The following USP22 variants were observed in gnomAD, a reference collection of about 807,000 sequenced individuals.
USP22 encodes ubiquitin specific peptidase 22.
USP22 carries 22 observed loss-of-function variants against 68.1 expected under a neutral mutation model. The ratio of observed to expected loss-of-function variants is 0.32; its 90% CI spans 0.23 to 0.46. The LOEUF is 0.46. Among genes scored for constraint, USP22 ranks in the 20% least tolerant of loss-of-function variants. The pLI is 1.00. For missense variants in USP22, 433 were observed against 695.8 expected (o/e 0.62, Z 4.25); for synonymous variants, 279 against 274.2 (o/e 1.02, Z -0.17).
chr17:21,030,987 T>G (rs1172036425), intron 1 of USP22, among the ~76,000 whole-genome samples: 1 of 152,212 alleles, frequency 6.6e-6, no homozygotes, highest in Non-Finnish European at 1.5e-5. Flanking sequence ...ATGTCTACAG[T>G]CAGCCCTCAG....
chr17:21,013,869 C>T (rs6587108), intron 6 of USP22, among the ~76,000 whole-genome samples: 151,235 of 152,344 alleles, frequency 0.99, 75,105 homozygotes, highest in Middle Eastern at 1. Context: ...GGTTAGGAGA[C>T]CGAGACCATC....
intron 1 of USP22, among the ~76,000 whole-genome samples, chr17:21,041,609 T>C (rs534244432): frequency 3.3e-5 from 5 of 151,738 alleles, no homozygotes; most frequent in South Asian, 2.1e-4. Context: ...AAAAAATAAT[T>C]TTTTTTTTGA....
chr17:21,016,808 G>A (rs753292113), intron 5 of USP22, among the ~76,000 whole-genome samples: 13 of 152,162 alleles, frequency 8.5e-5, no homozygotes, highest in Non-Finnish European at 1.8e-4. Flanking sequence ...GAGGGAGTTC[G>A]GAGAGGTAAC....
intron 6 of USP22, among the ~76,000 whole-genome samples, chr17:21,013,876 C>T (rs1203858970): frequency 6.6e-6 from 1 of 152,196 alleles, no homozygotes; most frequent in African/African-American, 2.4e-5. Flanking sequence ...AGACCGAGAC[C>T]ATCCTGGCTA....
chr17:21,037,339 T>A (rs62058989), intron 1 of USP22, among the ~76,000 whole-genome samples: 113,177 of 151,628 alleles, frequency 0.75, 42,689 homozygotes, highest in South Asian at 0.82. Flanking sequence ...TCCCTTCTAT[T>A]ATAAACAGTA....
intron 2 of USP22, among the ~76,000 whole-genome samples, chr17:21,023,331 A>C (rs1972180186): frequency 6.6e-6 from 1 of 152,180 alleles, no homozygotes; most frequent in Admixed American, 6.5e-5. Flanking sequence ...CGTTGAAACT[A>C]AAATAAAAGT....
intron 1 of USP22, among the ~76,000 whole-genome samples, chr17:21,029,371 C>A (rs866206302): frequency 9.2e-5 from 14 of 152,086 alleles, no homozygotes; most frequent in Non-Finnish European, 1.8e-4. Context: ...TAAAAGAATC[C>A]GTAAGTCCAG....
chr17:21,032,922 C>CAAAAAAAAAAA lies in USP22; in HGVS notation c.172-4259_172-4249dup, dbSNP rs753804890. 1.4e-3 allele frequency among the ~76,000 whole-genome samples: 124 copies of CAAAAAAAAAAA among 91,574 alleles called. 4 individuals are homozygous for CAAAAAAAAAAA. Among genetic ancestry groups the CAAAAAAAAAAA allele is most frequent in the African/African-American group, 6.0e-3 (104 of 17,368 alleles). The allele number at this position is 91,574 out of a possible 152,430, so 60.1% of individuals were successfully genotyped here. ...TGAGCAACAGAACCAGACCCTGTCT[C>CAAAAAAAAAAA]AAAAAAAAAAAAAAAAAAAAAAAAA... On this transcript the variant is annotated intron_variant, in intron 1 of 12. Coordinates refer to ENST00000261497, the MANE Select transcript of USP22 (RefSeq NM_015276.2).
intron 10 of USP22, among the ~76,000 whole-genome samples, chr17:21,005,674 G>A (rs958288738): frequency 5.3e-5 from 8 of 152,332 alleles, no homozygotes; most frequent in African/African-American, 1.9e-4. Context: ...GGGTGGGACA[G>A]CCATGAGAGG....
intron 5 of USP22, among the ~76,000 whole-genome samples, chr17:21,017,151 A>T (rs1400508339): frequency 6.6e-6 from 1 of 152,206 alleles, no homozygotes; most frequent in South Asian, 2.1e-4. Context: ...CAGGTTGGAT[A>T]GCCTCTGTCC....
chr17:21,041,753 G>A (rs1314063205), intron 1 of USP22, among the ~76,000 whole-genome samples: 3 of 152,256 alleles, frequency 2.0e-5, no homozygotes, highest in Non-Finnish European at 4.4e-5. Context: ...GCGTGAAACT[G>A]TAAAAATAAA....
chr17:21,021,028 T>TGCC, intron 3 of USP22, 85 bp downstream of exon 3: 1 of 1,093,712 alleles, frequency 9.1e-7, no homozygotes, highest in African/African-American at 1.5e-5. Flanking sequence ...CCCACCTAGG[T>TGCC]ACTTCTCTTT....
Position 21,042,843 on chromosome 17 carries a change from A to T in USP22, c.-8T>A, listed in dbSNP as rs893545919. On this transcript the variant is annotated 5_prime_UTR_variant, in exon 1 of 13. Coordinates refer to ENST00000261497, the MANE Select transcript of USP22 (RefSeq NM_015276.2). The stretch of plus-strand genomic sequence containing the variant: ...CTCTGGCCGGGACACCATGGGGGGC[A>T]AGGCCCGGCCGCGCGCGGGGGGCGG... 2.3e-6 allele frequency: 3 copies of T among 1,289,738 alleles called. No homozygotes were observed. The highest frequency in any genetic ancestry group is 2.0e-6 in the Non-Finnish European group (2 of 1,016,826). The allele number at this position is 1,289,738 out of a possible 1,614,324, so 79.9% of individuals were successfully genotyped here. A position where few individuals can be genotyped will look rare whatever the true frequency, so the allele number is the denominator to read the frequency against.
intron 1 of USP22, among the ~76,000 whole-genome samples, chr17:21,036,276 G>A (rs1038884920): frequency 5.3e-5 from 8 of 152,136 alleles, no homozygotes; most frequent in South Asian, 2.1e-4. Flanking sequence ...TGTAGTTGTG[G>A]ATGCCTCTGT....
At chr17:21,035,264 A>G (rs981112975) in intron 1 of USP22, among the ~76,000 whole-genome samples, 1 of 152,210 alleles carries the variant, frequency 6.6e-6, no homozygotes, top group Non-Finnish European at 1.5e-5. Context: ...ACATATAATA[A>G]TAAAACTCAC....
At chr17:21,012,498 G>A (rs1209679401) in intron 7 of USP22, among the ~76,000 whole-genome samples, 3 of 152,030 alleles carry the variant, frequency 2.0e-5, no homozygotes, top group Non-Finnish European at 2.9e-5. Flanking sequence ...CATGATCCAC[G>A]CCTTCTTGAA....
chr17:21,028,131 T>C (rs536530229), intron 2 of USP22, among the ~76,000 whole-genome samples: 1 of 152,294 alleles, frequency 6.6e-6, no homozygotes, highest in Non-Finnish European at 1.5e-5. Flanking sequence ...ATGAAACCCA[T>C]TGCTGAAGGC....
intron 1 of USP22, among the ~76,000 whole-genome samples, chr17:21,037,618 A>G (rs1395524533): frequency 6.6e-6 from 1 of 152,258 alleles, no homozygotes; most frequent in Non-Finnish European, 1.5e-5. Context: ...ACCAAACAGG[A>G]CAGCCTGAGA....
At position 21,016,236 on chromosome 17, in the gene USP22, C is replaced by T. The variant is rs549847303; in HGVS notation, c.691-337G>A. The stretch of plus-strand genomic sequence containing the variant: ...TCCTCAAAGCACTAGCCAAACCACT[C>T]AGGCCCATGGACACCAGCACCTCCG... On this transcript the variant is annotated intron_variant, in intron 5 of 12. Transcript: ENST00000261497. 3.2e-4 allele frequency among the ~76,000 whole-genome samples: 49 copies of T among 152,330 alleles called. 2 individuals are homozygous for T. Among genetic ancestry groups the T allele is most frequent in the African/African-American group, 1.1e-3 (47 of 41,574 alleles).
Sources: allele counts gnomAD v4.1 joint callset (sites outside exome capture counted in the v4.1 genomes callset), GRCh38; gene constraint gnomAD v4.1.1; transcripts MANE v1.5; gene names NCBI Gene and HGNC (gene_info 2026-07-23, HGNC 2026-07-21).